ZMAT1: variants seen among roughly 807,000 people sequenced by gnomAD.
The protein encoded by ZMAT1 is zinc finger matrin-type 1.
Under a neutral mutation model 18.5 loss-of-function variants are expected in ZMAT1, and 11 were observed. That is an observed-to-expected ratio of 0.59 (90% CI 0.37 to 0.98). The LOEUF (loss-of-function observed/expected upper bound fraction) is 0.98, where lower values mean the gene tolerates loss of function less well. Ranked by LOEUF, ZMAT1 falls within the 50% of genes least tolerant of loss-of-function variation. The pLI is 0.01. For synonymous variants in ZMAT1, 211 were observed against 176.4 expected (o/e 1.20, Z -1.55); for missense variants, 525 against 496.2 (o/e 1.06, Z -0.55).
rs1035141236 is a variant in ZMAT1 at position 101,897,786 on chromosome X, C to A, written c.676+82G>T. ...TTTCAACTGGGGTGAAAGTCTCCCCCACTAAAAAGGATATGGCAGAGTTAG... is the reference window on the plus strand; with the variant it reads ...TTTCAACTGGGGTGAAAGTCTCCCCAACTAAAAAGGATATGGCAGAGTTAG... On this transcript the variant is annotated intron_variant, in intron 4 of 5. Transcript: ENST00000651725. The A allele has an allele frequency of 5.9e-6, 5 of 851,653 alleles. No individual in the cohort carries two copies. In the African/African-American group the frequency reaches 1.0e-4, roughly 17 times the overall value. 70.2% of individuals were successfully genotyped at this position (851,653 alleles called of 1,213,427 possible). A position where few individuals can be genotyped will look rare whatever the true frequency, so the allele number is the denominator to read the frequency against.
intron 1 of ZMAT1, among the ~76,000 whole-genome samples, chrX:101,919,860 C>A (rs188309225): frequency 4.8e-4 from 53 of 110,223 alleles, no homozygotes; most frequent in Non-Finnish European, 8.3e-4. Flanking sequence ...ATTCAACAGG[C>A]GGAAAGGAGT....
At chrX:101,930,972 A>G (rs934355835) in intron 1 of ZMAT1, among the ~76,000 whole-genome samples, 1 of 112,006 alleles carries the variant, frequency 8.9e-6, no homozygotes, top group African/African-American at 3.3e-5. Context: ...TTAAAGATGG[A>G]CCTGTAAATC....
intron 1 of ZMAT1, among the ~76,000 whole-genome samples, chrX:101,930,630 A>C (rs1049548436): frequency 8.9e-6 from 1 of 112,211 alleles, no homozygotes; most frequent in African/African-American, 3.2e-5. Context: ...ACTTTCCTCT[A>C]TTTTGGTGTC....
At chrX:101,923,688 T>C (rs1209573384) in intron 1 of ZMAT1, among the ~76,000 whole-genome samples, 6 of 112,156 alleles carry the variant, frequency 5.3e-5, no homozygotes, top group African/African-American at 1.9e-4. Flanking sequence ...CCAAGTGTAA[T>C]ATTTTAATAA....
chrX:101,909,900 T>C (rs1928848013), intron 1 of ZMAT1, among the ~76,000 whole-genome samples: 1 of 112,072 alleles, frequency 8.9e-6, no homozygotes, highest in South Asian at 3.7e-4. Flanking sequence ...TACTTGTGGA[T>C]TGTAGAGCCC....
rs190400880 is a variant in ZMAT1 at position 101,907,953 on chromosome X, G to A, written c.293-3623C>T. Reference sequence around the variant, plus strand: ...CCTATACCTATATTAGATAGAAACCGTTGAAGATATTTATTTTAAAAGTTA... The same window carrying A: ...CCTATACCTATATTAGATAGAAACCATTGAAGATATTTATTTTAAAAGTTA... On this transcript the variant is annotated intron_variant, in intron 1 of 5. Transcript: ENST00000651725. Among the ~76,000 whole-genome samples, 632 of 111,919 alleles carry A rather than the reference G, an allele frequency of 5.6e-3. 2 individuals are homozygous for A. Among genetic ancestry groups the A allele is most frequent in the Non-Finnish European group, 9.8e-3 (523 of 53,125 alleles).
chrX:101,901,488 C>G (rs1322526256), intron 2 of ZMAT1, among the ~76,000 whole-genome samples: 1 of 111,190 alleles, frequency 9.0e-6, no homozygotes, highest in African/African-American at 3.3e-5. Context: ...GAAATATACC[C>G]ATTGTATAGG....
At chrX:101,898,704 T>C (rs1928002030) in intron 2 of ZMAT1, among the ~76,000 whole-genome samples, 1 of 111,728 alleles carries the variant, frequency 9.0e-6, no homozygotes, top group Non-Finnish European at 1.9e-5. Context: ...TCAACAGTCA[T>C]CTTTGGACCA....
intron 4 of ZMAT1, among the ~76,000 whole-genome samples, chrX:101,896,102 G>A (rs1333050444): frequency 9.0e-6 from 1 of 111,071 alleles, no homozygotes; most frequent in Non-Finnish European, 1.9e-5. Flanking sequence ...GATATGAGAA[G>A]GAAGTAGTAT....
At chrX:101,921,663 T>C (rs1049003677) in intron 1 of ZMAT1, among the ~76,000 whole-genome samples, 1 of 112,021 alleles carries the variant, frequency 8.9e-6, no homozygotes, top group Non-Finnish European at 1.9e-5. Flanking sequence ...TTTATATGGG[T>C]TGATGGAGAT....
At chrX:101,898,556 CT>C (rs1420014962) in intron 2 of ZMAT1, among the ~76,000 whole-genome samples, 6 of 111,884 alleles carry the variant, frequency 5.4e-5, no homozygotes, top group African/African-American at 2.0e-4. Context: ...ATCCATGTAA[CT>C]AGATTCTGGT....
At chrX:101,907,339 C>T (rs922657827) in intron 1 of ZMAT1, among the ~76,000 whole-genome samples, 1 of 112,198 alleles carries the variant, frequency 8.9e-6, no homozygotes, top group Non-Finnish European at 1.9e-5. Context: ...ATTCAGGCTT[C>T]AGGCCCAACC....
At chrX:101,931,580 G>C (rs956980272) in intron 1 of ZMAT1, 137 bp downstream of exon 1, 8 of 690,330 alleles carry the variant, frequency 1.2e-5, no homozygotes, top group Non-Finnish European at 8.4e-6. Flanking sequence ...GGCGGGGCGG[G>C]GCGAGCTTGG....
At chrX:101,894,138 C>A (rs1927631382) in intron 4 of ZMAT1, among the ~76,000 whole-genome samples, 1 of 111,478 alleles carries the variant, frequency 9.0e-6, no homozygotes, top group Non-Finnish European at 1.9e-5. Context: ...GAGGTTGTGG[C>A]AATCACTTCT....
At chrX:101,931,625 G>T in intron 1 of ZMAT1, 92 bp downstream of exon 1, 1 of 722,156 alleles carries the variant, frequency 1.4e-6, no homozygotes. Context: ...GGGTGGGGCA[G>T]TGGCGAACCG....
chrX:101,907,945 T>C (rs1238678470), intron 1 of ZMAT1, among the ~76,000 whole-genome samples: 1 of 112,046 alleles, frequency 8.9e-6, no homozygotes, highest in Non-Finnish European at 1.9e-5. Context: ...CTATATTAGA[T>C]AGAAACCGTT....
chrX:101,928,997 ATG>A (rs1360779361), intron 1 of ZMAT1, among the ~76,000 whole-genome samples: 1 of 110,943 alleles, frequency 9.0e-6, no homozygotes, highest in Non-Finnish European at 1.9e-5. Flanking sequence ...CTGAGTGTAT[ATG>A]TGTCTTTTCA....
intron 1 of ZMAT1, among the ~76,000 whole-genome samples, chrX:101,921,586 C>G (rs1192264472): frequency 8.9e-6 from 1 of 111,781 alleles, no homozygotes; most frequent in Non-Finnish European, 1.9e-5. Context: ...CCTTTTTCAC[C>G]CTGCTATTAA....
chrX:101,907,499 T>A (rs1928693605), intron 1 of ZMAT1, among the ~76,000 whole-genome samples: 1 of 112,441 alleles, frequency 8.9e-6, no homozygotes, highest in South Asian at 3.6e-4. Context: ...TTTCTTTAAA[T>A]GTGCAGACAT....
Sources: gnomAD v4.1 joint callset for allele counts (sites outside exome capture counted in the v4.1 genomes callset) on GRCh38, gnomAD v4.1.1 for gene constraint, MANE v1.5 for transcripts, NCBI Gene and HGNC (gene_info 2026-07-23, HGNC 2026-07-21) for gene names.